The following LHFPL3 variants were observed in gnomAD, a reference collection of about 807,000 sequenced individuals.
LHFPL3 encodes LHFPL tetraspan subfamily member 3.
LHFPL3 carries 5 observed loss-of-function variants against 19.3 expected under a neutral mutation model. The ratio of observed to expected loss-of-function variants is 0.26; its 90% CI spans 0.14 to 0.54. The LOEUF (loss-of-function observed/expected upper bound fraction) is 0.54. Among genes scored for constraint, LHFPL3 ranks in the 20% least tolerant of loss-of-function variants. The pLI is 0.94. For synonymous variants in LHFPL3, 133 were observed against 126.2 expected (o/e 1.05, Z -0.36); for missense variants, 249 against 307.4 (o/e 0.81, Z 1.42).
chr7:104,705,805 G>T (rs75609478), intron 1 of LHFPL3, among the ~76,000 whole-genome samples: 9 of 151,994 alleles, frequency 5.9e-5, no homozygotes, highest in Admixed American at 5.9e-4. Flanking sequence ...CCCCACTACC[G>T]GAACTGGGAG....
intron 1 of LHFPL3, among the ~76,000 whole-genome samples, chr7:104,602,299 G>A (rs1213554283): frequency 6.6e-6 from 1 of 152,114 alleles, no homozygotes; most frequent in East Asian, 1.9e-4. Context: ...GAGATTACAG[G>A]TGTGAGCCGC....
intron 2 of LHFPL3, chr7:104,738,627 A>C (rs1292917879): frequency 1.3e-5 from 2 of 152,180 alleles, no homozygotes; most frequent in Admixed American, 6.5e-5. Flanking sequence ...TTTACTTGGG[A>C]ATTGAGAATT....
chr7:104,664,118 C>T (rs1429529615), intron 1 of LHFPL3, among the ~76,000 whole-genome samples: 3 of 152,012 alleles, frequency 2.0e-5, no homozygotes, highest in African/African-American at 7.3e-5. Context: ...TGAATTTTGT[C>T]CACTAGAGCT....
chr7:104,572,104 G>A (rs972552935), intron 1 of LHFPL3, among the ~76,000 whole-genome samples: 5 of 152,156 alleles, frequency 3.3e-5, no homozygotes, highest in Non-Finnish European at 5.9e-5. Context: ...TGACTTTGAA[G>A]AAACAAATGT....
intron 1 of LHFPL3, among the ~76,000 whole-genome samples, chr7:104,340,418 C>G (rs904637657): frequency 6.6e-6 from 1 of 152,074 alleles, no homozygotes; most frequent in Non-Finnish European, 1.5e-5. Flanking sequence ...TTTCTTCGTT[C>G]TTAGGATTAT....
At chr7:104,578,136 T>C (rs1181760860) in intron 1 of LHFPL3, among the ~76,000 whole-genome samples, 1 of 152,204 alleles carries the variant, frequency 6.6e-6, no homozygotes, top group Non-Finnish European at 1.5e-5. Flanking sequence ...AAAAAAAAGT[T>C]ATAGGCAGTT....
chr7:104,671,570 T>TTA (rs1562962559), intron 1 of LHFPL3, among the ~76,000 whole-genome samples: 1 of 53,348 alleles, frequency 1.9e-5, no homozygotes, highest in Admixed American at 1.9e-4. Context: ...TCTTTAAAGT[T>TTA]CAAAAAAAAA....
intron 2 of LHFPL3, chr7:104,845,411 T>C (rs1426584578): frequency 6.5e-7 from 1 of 1,535,948 alleles, no homozygotes; most frequent in Admixed American, 2.0e-5. Flanking sequence ...CAAACTAAGG[T>C]AGTGTGAGAC....
At chr7:104,903,282 C>G (rs1450223651) in intron 2 of LHFPL3, among the ~76,000 whole-genome samples, 1 of 152,132 alleles carries the variant, frequency 6.6e-6, no homozygotes, top group Non-Finnish European at 1.5e-5. Context: ...CAGGGAGTCT[C>G]TGGTTCATGG....
chr7:104,393,090 G>A (rs1791110781), intron 1 of LHFPL3, among the ~76,000 whole-genome samples: 1 of 152,166 alleles, frequency 6.6e-6, no homozygotes, highest in Non-Finnish European at 1.5e-5. Flanking sequence ...TTAGTCATCA[G>A]TGAAATGGAA....
intron 1 of LHFPL3, among the ~76,000 whole-genome samples, chr7:104,456,644 A>G (rs1792546271): frequency 6.6e-6 from 1 of 152,200 alleles, no homozygotes; most frequent in Non-Finnish European, 1.5e-5. Context: ...GACGCACTTC[A>G]TGGCTTTTCT....
chr7:104,354,275 C>T (rs1252949981), intron 1 of LHFPL3, among the ~76,000 whole-genome samples: 1 of 152,238 alleles, frequency 6.6e-6, no homozygotes, highest in African/African-American at 2.4e-5. Flanking sequence ...CACATTTCCG[C>T]CCTGTCCATT....
chr7:104,487,686 C>T (rs1000016791), intron 1 of LHFPL3, among the ~76,000 whole-genome samples: 1 of 152,214 alleles, frequency 6.6e-6, no homozygotes, highest in Non-Finnish European at 1.5e-5. Flanking sequence ...TGAAACTATT[C>T]AGGGACGTGT....
At chr7:104,836,717 C>T (rs1791102868) in intron 2 of LHFPL3, among the ~76,000 whole-genome samples, 2 of 152,088 alleles carry the variant, frequency 1.3e-5, no homozygotes, top group Non-Finnish European at 2.9e-5. Context: ...TCTGATATTC[C>T]AGAGCTGAAG....
chr7:104,575,841 C>A (rs1790328589), intron 1 of LHFPL3, among the ~76,000 whole-genome samples: 2 of 152,034 alleles, frequency 1.3e-5, no homozygotes, highest in Admixed American at 1.3e-4. Flanking sequence ...AAGGAGCCTC[C>A]TTTCCTCCTA....
At chr7:104,355,665 T>G (rs1334200456) in intron 1 of LHFPL3, among the ~76,000 whole-genome samples, 2 of 152,186 alleles carry the variant, frequency 1.3e-5, no homozygotes, top group Non-Finnish European at 2.9e-5. Flanking sequence ...AAAATAAAAT[T>G]CTTTTTAACA....
At chr7:104,900,944 G>A (rs1273925253) in intron 2 of LHFPL3, among the ~76,000 whole-genome samples, 1 of 152,178 alleles carries the variant, frequency 6.6e-6, no homozygotes, top group East Asian at 1.9e-4. Context: ...GGGAGAATGT[G>A]ACATATTTTA....
intron 2 of LHFPL3, among the ~76,000 whole-genome samples, chr7:104,863,747 C>A (rs1409536878): frequency 6.6e-6 from 1 of 152,216 alleles, no homozygotes; most frequent in Non-Finnish European, 1.5e-5. Flanking sequence ...GAGTCACTGG[C>A]TGGGCCAGTA....
chr7:104,341,024 A>C (rs1361019535), intron 1 of LHFPL3, among the ~76,000 whole-genome samples: 1 of 152,234 alleles, frequency 6.6e-6, no homozygotes, highest in African/African-American at 2.4e-5. Context: ...ATCAGCTGTT[A>C]CCCAAATTAT....
Sources: gnomAD v4.1 joint callset for allele counts (sites outside exome capture counted in the v4.1 genomes callset) on GRCh38, gnomAD v4.1.1 for gene constraint, MANE v1.5 for transcripts, NCBI Gene and HGNC (gene_info 2026-07-23, HGNC 2026-07-21) for gene names.